Variants in DRC11 observed in about 807,000 individuals in gnomAD.
The protein encoded by DRC11 is IQ and AAA domain-containing protein 1.
the DRC11 span, among the ~76,000 whole-genome samples, chr2:236,400,453 G>C: frequency 6.6e-6 from 1 of 152,200 alleles, no homozygotes; most frequent in Non-Finnish European, 1.5e-5. This position sits in a 1 kb window ranked among gnomAD's most constrained non-coding sequence, Gnocchi z 7.9. Context: ...GTTCACCTGC[G>C]CCTAATAGTG....
the DRC11 span, among the ~76,000 whole-genome samples, chr2:236,340,406 G>A: frequency 3.3e-5 from 5 of 152,214 alleles, no homozygotes. Context: ...TTACAAGTGT[G>A]AGCCACCGTG....
chr2:236,468,472 G>A, the DRC11 span, among the ~76,000 whole-genome samples: 1 of 152,070 alleles, frequency 6.6e-6, no homozygotes, highest in African/African-American at 2.4e-5. Context: ...AATATGGAAT[G>A]AGAATTACAG....
At chr2:236,364,041 AG>A in the DRC11 span, 1 of 1,442,954 alleles carries the variant, frequency 6.9e-7, no homozygotes. Flanking sequence ...TTCTTCAACT[AG>A]GATAACTCAA....
chr2:236,502,548 CAAAAAAAAAAAAAAAAA>C, the DRC11 span, among the ~76,000 whole-genome samples: 11 of 15,092 alleles, frequency 7.3e-4, no homozygotes, highest in Non-Finnish European at 8.9e-4. Context: ...TGCACTCCAG[CAAAAAAAAAAAAAAAAA>C]AAAAAAAAAA....
chr2:236,480,246 C>G, the DRC11 span, among the ~76,000 whole-genome samples: 46 of 152,164 alleles, frequency 3.0e-4, no homozygotes, highest in African/African-American at 1.1e-3. Flanking sequence ...GTTTGGTGAT[C>G]TCTAACCTTC....
At chr2:236,410,667 A>G in the DRC11 span, among the ~76,000 whole-genome samples, 1 of 150,508 alleles carries the variant, frequency 6.6e-6, no homozygotes, top group Non-Finnish European at 1.5e-5. Context: ...TACAGTAACC[A>G]AAACAGCATG....
the DRC11 span, among the ~76,000 whole-genome samples, chr2:236,420,008 G>C: frequency 6.6e-6 from 1 of 152,180 alleles, no homozygotes; most frequent in East Asian, 1.9e-4. This position sits in a 1 kb window ranked among gnomAD's most constrained non-coding sequence, Gnocchi z 4.8. Flanking sequence ...CTCATGACTT[G>C]TCATGTGGCC....
chr2:236,392,450 C>A, the DRC11 span: 1 of 604,294 alleles, frequency 1.7e-6, no homozygotes, highest in South Asian at 2.5e-5. This position sits in a 1 kb window ranked among gnomAD's most constrained non-coding sequence, Gnocchi z 5.1. Context: ...TAAGTTATTG[C>A]AATATAAACA....
the DRC11 span, among the ~76,000 whole-genome samples, chr2:236,349,695 A>G: frequency 1.3e-5 from 2 of 152,232 alleles, no homozygotes; most frequent in Non-Finnish European, 2.9e-5. This position sits in a 1 kb window ranked among gnomAD's most constrained non-coding sequence, Gnocchi z 5.5. Flanking sequence ...GACACGAAGA[A>G]GGGAACAGCA....
chr2:236,341,320 C>T, the DRC11 span, among the ~76,000 whole-genome samples: 1 of 152,322 alleles, frequency 6.6e-6, no homozygotes, highest in East Asian at 1.9e-4. Flanking sequence ...AAACAACTGA[C>T]TGAGCGCACT....
the DRC11 span, among the ~76,000 whole-genome samples, chr2:236,422,346 A>G: frequency 6.6e-6 from 1 of 152,238 alleles, no homozygotes; most frequent in African/African-American, 2.4e-5. Flanking sequence ...GCTGATAGGC[A>G]ACTTCAGCAG....
At chr2:236,429,893 G>C in the DRC11 span, among the ~76,000 whole-genome samples, 2 of 152,130 alleles carry the variant, frequency 1.3e-5, no homozygotes, top group African/African-American at 4.8e-5. The surrounding 1 kb of genome is among the most constrained non-coding windows in gnomAD (Gnocchi z 5.9). Flanking sequence ...CAGGCAGTTG[G>C]TTTCCTCAGC....
At chr2:236,392,132 G>T in the DRC11 span, 1 of 1,569,340 alleles carries the variant, frequency 6.4e-7, no homozygotes, top group African/African-American at 1.4e-5. The surrounding 1 kb of genome is among the most constrained non-coding windows in gnomAD (Gnocchi z 5.1). Flanking sequence ...TTTTGTTTGT[G>T]AAGTTTAAAA....
At chr2:236,357,215 T>TTATATATTATATATATTC in the DRC11 span, among the ~76,000 whole-genome samples, 4 of 107,782 alleles carry the variant, frequency 3.7e-5, no homozygotes, top group Admixed American at 3.1e-4. Flanking sequence ...ATTCATATAG[T>TTATATATTATATATATTC]ATATATCTAT....
the DRC11 span, among the ~76,000 whole-genome samples, chr2:236,362,511 T>C: frequency 2.0e-5 from 3 of 152,220 alleles, no homozygotes; most frequent in Admixed American, 6.5e-5. This position sits in a 1 kb window ranked among gnomAD's most constrained non-coding sequence, Gnocchi z 5.7. Context: ...CAGCTGATTA[T>C]AAGAATACAG....
the DRC11 span, among the ~76,000 whole-genome samples, chr2:236,360,456 CTGTT>C: frequency 6.6e-6 from 1 of 152,182 alleles, no homozygotes; most frequent in Admixed American, 6.5e-5. This position sits in a 1 kb window ranked among gnomAD's most constrained non-coding sequence, Gnocchi z 5.8. Context: ...GTGCTTCTGT[CTGTT>C]ACTTGACAAA....
At chr2:236,398,778 C>T in the DRC11 span, among the ~76,000 whole-genome samples, 1 of 152,154 alleles carries the variant, frequency 6.6e-6, no homozygotes. The surrounding 1 kb of genome is among the most constrained non-coding windows in gnomAD (Gnocchi z 6.2). Context: ...AGGCACACAT[C>T]TTAGTTTAAT....
chr2:236,489,847 C>T, the DRC11 span, among the ~76,000 whole-genome samples: 8 of 152,236 alleles, frequency 5.3e-5, no homozygotes, highest in African/African-American at 1.9e-4. Flanking sequence ...ATCACTTGAG[C>T]CCAGAAATTG....
the DRC11 span, chr2:236,344,577 C>G: frequency 6.2e-7 from 1 of 1,613,628 alleles, no homozygotes; most frequent in Non-Finnish European, 8.5e-7. Flanking sequence ...GCGTTGGGAA[C>G]TTTTTTGTAG....
Sources: allele counts gnomAD v4.1 joint callset (sites outside exome capture counted in the v4.1 genomes callset), GRCh38; gene constraint gnomAD v4.1.1; non-coding constraint Gnocchi (gnomAD v3.1); transcripts MANE v1.5; gene names NCBI Gene and HGNC (gene_info 2026-07-23, HGNC 2026-07-21).